The following CCDC62 variants were observed in gnomAD, a reference collection of about 807,000 sequenced individuals.
The protein encoded by CCDC62 is coiled-coil domain containing 62, also known as coiled-coil domain-containing protein 62.
A neutral mutation model predicts 80.8 loss-of-function variants in CCDC62; 72 were observed. That is an observed-to-expected ratio of 0.89 (90% CI 0.74 to 1.08). The LOEUF (loss-of-function observed/expected upper bound fraction) is 1.08. Ranked by LOEUF, CCDC62 falls within the 50% of genes least tolerant of loss-of-function variation. The pLI is 0.00. For missense variants in CCDC62, 704 were observed against 809.4 expected, an observed-to-expected ratio of 0.87 and a Z score of 1.58; for synonymous variants, 286 against 296.5, an observed-to-expected ratio of 0.96 and a Z score of 0.36.
intron 11 of CCDC62, among the ~76,000 whole-genome samples, chr12:122,815,690 G>A (rs183803493): frequency 1.7e-3 from 249 of 149,096 alleles, no homozygotes; most frequent in Non-Finnish European, 2.0e-3. Context: ...CTTGTGATCC[G>A]CCCGCCTCAG....
intron 3 of CCDC62, among the ~76,000 whole-genome samples, chr12:122,782,043 A>T (rs1307207146): frequency 1.3e-5 from 2 of 150,550 alleles, no homozygotes; most frequent in Non-Finnish European, 3.0e-5. Flanking sequence ...AAAAAAAAAA[A>T]GCGTATGTAA....
At chr12:122,781,962 T>C (rs1307603666) in intron 3 of CCDC62, among the ~76,000 whole-genome samples, 9 of 150,008 alleles carry the variant, frequency 6.0e-5, no homozygotes, top group African/African-American at 2.2e-4. Flanking sequence ...GAGGATCACT[T>C]GAGCCCAGGA....
At chr12:122,779,145 GA>G (rs1369324503) in intron 2 of CCDC62, among the ~76,000 whole-genome samples, 1 of 152,174 alleles carries the variant, frequency 6.6e-6, no homozygotes, top group Admixed American at 6.5e-5. Flanking sequence ...GCACCTCATG[GA>G]AAGAGGAAAA....
chr12:122,774,720 C>G lies in CCDC62; in HGVS notation c.36+14C>G. On this transcript the variant is annotated intron_variant, in intron 1 of 12. Transcript: ENST00000253079. Reference sequence around the variant, plus strand: ...GCCGGGCGCCAGGTAAGCAGCGGTTCCGGGCGCGGCGGGGCGCCGCGGGAA... The same window carrying G: ...GCCGGGCGCCAGGTAAGCAGCGGTTGCGGGCGCGGCGGGGCGCCGCGGGAA... The G allele has an allele frequency of 1.6e-6, 2 of 1,252,128 alleles. No homozygotes were observed. Among genetic ancestry groups the G allele is most frequent in the Non-Finnish European group, 2.0e-6 (2 of 989,388 alleles). 77.6% of individuals were successfully genotyped at this position (1,252,128 alleles called of 1,614,324 possible). A position where few individuals can be genotyped will look rare whatever the true frequency, so the allele number is the denominator to read the frequency against.
At chr12:122,780,995 C>T (rs567971468) in intron 2 of CCDC62, among the ~76,000 whole-genome samples, 169 bp from the exon 3 acceptor site, 1 of 152,282 alleles carries the variant, frequency 6.6e-6, no homozygotes, top group Non-Finnish European at 1.5e-5. Flanking sequence ...GCTCACAGTT[C>T]TGTTTCTTGA....
At position 122,827,285 on chromosome 12, in the gene CCDC62, A is replaced by G. The variant is rs1406514467; in HGVS notation, c.*904A>G. The G allele has an allele frequency of 6.6e-6, 1 of 152,142 alleles. No homozygotes were observed. Among genetic ancestry groups the G allele is most frequent in the Non-Finnish European group, 1.5e-5 (1 of 68,036 alleles). 9.4% of individuals were successfully genotyped at this position (152,142 alleles called of 1,614,324 possible). Reference sequence around the variant, plus strand: ...AGGAACGTTCATCACTTTAAACTGAACCTGGCAAGTTAATTTCCTCAGGAA... The same window carrying G: ...AGGAACGTTCATCACTTTAAACTGAGCCTGGCAAGTTAATTTCCTCAGGAA... On this transcript the variant is annotated 3_prime_UTR_variant, in exon 13 of 13. Coordinates refer to ENST00000253079, the MANE Select transcript of CCDC62 (RefSeq NM_201435.5).
intron 4 of CCDC62, among the ~76,000 whole-genome samples, chr12:122,787,362 G>A (rs1209508508): frequency 6.6e-6 from 1 of 150,624 alleles, no homozygotes; most frequent in South Asian, 2.1e-4. Context: ...GGGGTGGGAG[G>A]ATCCCCGGAA....
chr12:122,810,327 A>C (rs2031815229), intron 10 of CCDC62, among the ~76,000 whole-genome samples: 1 of 152,224 alleles, frequency 6.6e-6, no homozygotes, highest in Non-Finnish European at 1.5e-5. Context: ...TTACAAGAAA[A>C]AAACAAACAA....
chr12:122,793,147 G>C (rs771348077), intron 6 of CCDC62, among the ~76,000 whole-genome samples: 4 of 152,124 alleles, frequency 2.6e-5, no homozygotes, highest in African/African-American at 4.8e-5. Flanking sequence ...TCACACAAAG[G>C]CTGTTTTATA....
rs1295757899 is a variant in CCDC62, at chr12:122,792,106, G to GA, written c.759dup (p.Leu254IlefsTer13). 6.2e-7 allele frequency: 1 copy of GA among 1,606,170 alleles called. No individual in the cohort carries two copies. Among genetic ancestry groups the GA allele is most frequent in the Non-Finnish European group, 8.5e-7 (1 of 1,173,402 alleles). On this transcript the variant is annotated frameshift_variant, in exon 6 of 13. Coordinates refer to ENST00000253079, the MANE Select transcript of CCDC62 (RefSeq NM_201435.5). LOFTEE classifies it high-confidence loss of function. ...GCAAGAGAAAAGTTGCCTGCACGAT[G>GA]AATTGCTTTTTACTGGTAAAACAGA...
At chr12:122,813,589 A>G (rs77225093) in intron 11 of CCDC62, among the ~76,000 whole-genome samples, 170 bp downstream of exon 11, 3,133 of 152,228 alleles carry the variant, frequency 0.021, 96 homozygotes, top group African/African-American at 0.071. Flanking sequence ...TTACACTTAG[A>G]TGTCACTGGA....
intron 3 of CCDC62, among the ~76,000 whole-genome samples, chr12:122,783,599 G>A (rs1254613190): frequency 1.3e-5 from 2 of 152,020 alleles, no homozygotes; most frequent in African/African-American, 4.8e-5. Context: ...TAATAGTATA[G>A]ATTTTTATTT....
At chr12:122,807,612 A>G (rs2031679210) in intron 10 of CCDC62, among the ~76,000 whole-genome samples, 1 of 151,494 alleles carries the variant, frequency 6.6e-6, no homozygotes, top group Non-Finnish European at 1.5e-5. Flanking sequence ...TCTTCATCCC[A>G]CTAATGGGAT....
intron 11 of CCDC62, among the ~76,000 whole-genome samples, chr12:122,819,395 A>C (rs1381085290): frequency 6.6e-6 from 1 of 152,194 alleles, no homozygotes; most frequent in Non-Finnish European, 1.5e-5. Flanking sequence ...GCCAGGGAGC[A>C]GGCAATGATT....
chr12:122,795,704 G>A (rs1254370546), intron 6 of CCDC62, among the ~76,000 whole-genome samples: 12 of 152,286 alleles, frequency 7.9e-5, no homozygotes, highest in Middle Eastern at 3.4e-3. Context: ...GATTACAGGC[G>A]TGTTCTTTTA....
intron 10 of CCDC62, among the ~76,000 whole-genome samples, chr12:122,806,783 A>AT (rs542689882): frequency 3.4e-3 from 465 of 137,412 alleles, no homozygotes; most frequent in Non-Finnish European, 6.0e-3. Context: ...TGCTGGGACT[A>AT]TTTTTTTCTT....
At position 122,806,219 on chromosome 12, in the gene CCDC62, C is replaced by T. The variant is rs142626019; in HGVS notation, c.1775C>T (p.Thr592Met). 4.5e-5 allele frequency: 72 copies of T among 1,613,688 alleles called. 1 individual carries two copies. The African/African-American group carries it at 4.8e-4, about 11-fold the overall frequency. The change falls in exon 10 of 13, where the codon ACG (threonine) becomes ATG (methionine). Residue 592 changes from threonine to methionine, a missense_variant. Coordinates refer to ENST00000253079, the MANE Select transcript of CCDC62 (RefSeq NM_201435.5). ...SSKSALREDE[T>M]ESSSNKKNSP... The stretch of plus-strand genomic sequence containing the variant: ...AAATCTGCCTTGAGAGAAGATGAGA[C>T]GGAGTCCTCTTCCAATAAAAAGAAC...
Position 122,801,292 on chromosome 12 carries a change from G to C in CCDC62, c.1146G>C (p.Gln382His). The C allele has an allele frequency of 6.2e-7, 1 of 1,614,124 alleles. No homozygotes were observed. The highest frequency in any genetic ancestry group is 8.5e-7 in the Non-Finnish European group (1 of 1,180,016). The change falls in exon 9 of 13, where the codon CAG (glutamine) becomes CAC (histidine). Residue 382 changes from glutamine to histidine, a missense_variant. Transcript: ENST00000253079. ...ATGAATGCAAAGAGAAGAAACAACA[G>C]ATCGATACTGTGTTTGGGGAGAAAA... is the stretch of plus-strand genomic sequence containing the variant. ...SCDECKEKKQ[Q>H]IDTVFGEKSV... is the part of the protein sequence containing the mutation.
chr12:122,779,972 A>G (rs1025026730), intron 2 of CCDC62, among the ~76,000 whole-genome samples: 1 of 151,034 alleles, frequency 6.6e-6, no homozygotes, highest in Admixed American at 6.6e-5. Context: ...ATTGTTTATC[A>G]TAGCTGCAAA....
Sources: gnomAD v4.1 joint callset for allele counts (sites outside exome capture counted in the v4.1 genomes callset) on GRCh38, gnomAD v4.1.1 for gene constraint, MANE v1.5 for transcripts, NCBI Gene and HGNC (gene_info 2026-07-23, HGNC 2026-07-21) for gene names.